The following AGBL2 variants were observed in gnomAD, a reference collection of about 807,000 sequenced individuals.
AGBL2 encodes the protein AGBL carboxypeptidase 2.
In AGBL2, 87 loss-of-function variants were observed where a neutral mutation model predicts 103.0. That is an observed-to-expected ratio of 0.84 (90% CI 0.71 to 1.01). AGBL2 has a LOEUF of 1.01. Among genes scored for constraint, AGBL2 ranks in the 50% least tolerant of loss-of-function variants. The probability of loss-of-function intolerance (pLI) is 0.00; values close to 1 mark genes in which losing one functional copy is unlikely to be tolerated. For synonymous variants in AGBL2, 335 were observed against 356.7 expected (o/e 0.94, Z 0.69); for missense variants, 904 against 1,023.5 (o/e 0.88, Z 1.59).
chr11:47,675,671 G>C (rs2153803248), intron 14 of AGBL2, among the ~76,000 whole-genome samples: 1 of 152,096 alleles, frequency 6.6e-6, no homozygotes, highest in South Asian at 2.1e-4. Context: ...TTACAGGTGT[G>C]AGCCACTTCA....
chr11:47,670,951 C>A (rs192673798), intron 14 of AGBL2, among the ~76,000 whole-genome samples: 2 of 151,166 alleles, frequency 1.3e-5, no homozygotes, highest in Admixed American at 6.6e-5. Flanking sequence ...GCTGTGATTG[C>A]GCCACTGACT....
intron 13 of AGBL2, among the ~76,000 whole-genome samples, chr11:47,678,026 T>C (rs1291426769): frequency 6.6e-6 from 1 of 151,190 alleles, no homozygotes; most frequent in Non-Finnish European, 1.5e-5. Context: ...TACAGTGGCG[T>C]GATCTTGGCT....
chr11:47,690,900 T>G, intron 9 of AGBL2, 42 bp from the exon 10 acceptor site: 1 of 1,505,416 alleles, frequency 6.6e-7, no homozygotes, highest in East Asian at 2.3e-5. Context: ...GCTTACACCC[T>G]GCCTTAAAAA....
intron 10 of AGBL2, among the ~76,000 whole-genome samples, chr11:47,689,008 T>C (rs951662294): frequency 6.6e-6 from 1 of 152,152 alleles, no homozygotes; most frequent in Non-Finnish European, 1.5e-5. Flanking sequence ...AGTGCTGGGA[T>C]TACAGGTGTC....
chr11:47,662,103 A>G (rs1168432638), intron 18 of AGBL2, among the ~76,000 whole-genome samples: 2 of 152,180 alleles, frequency 1.3e-5, no homozygotes, highest in Non-Finnish European at 2.9e-5. Context: ...GCAAATGAGC[A>G]TGATGAATGT....
chr11:47,693,552 G>A (rs556200716), intron 8 of AGBL2, among the ~76,000 whole-genome samples: 17 of 152,046 alleles, frequency 1.1e-4, no homozygotes, highest in Non-Finnish European at 2.4e-4. Flanking sequence ...TTTATTTTTG[G>A]ACTCTCAGTT....
At position 47,701,829 on chromosome 11, in the gene AGBL2, CAG is replaced by C. The variant is rs950279089; in HGVS notation, c.587-2278_587-2277del. On this transcript the variant is annotated intron_variant, in intron 7 of 18. Coordinates refer to ENST00000525123, the MANE Select transcript of AGBL2 (RefSeq NM_024783.4). ...CTCTACCAAAAATATAAAAAATGAG[CAG>C]AGTGTGGTGGCACGTGCCTGTAATC... is the stretch of plus-strand genomic sequence containing the variant. Among the ~76,000 whole-genome samples, 32 of 152,016 alleles carry C rather than the reference CAG, an allele frequency of 2.1e-4. 1 individual carries two copies. Among genetic ancestry groups the C allele is most frequent in the Non-Finnish European group, 1.0e-4 (7 of 67,978 alleles).
chr11:47,696,839 A>G (rs1454169986), intron 8 of AGBL2, among the ~76,000 whole-genome samples: 1 of 151,892 alleles, frequency 6.6e-6, no homozygotes, highest in Non-Finnish European at 1.5e-5. Flanking sequence ...ATGTGTTTCA[A>G]TTTTGTTGAT....
At chr11:47,666,068 T>C (rs1035457626) in intron 17 of AGBL2, among the ~76,000 whole-genome samples, 2 of 151,852 alleles carry the variant, frequency 1.3e-5, no homozygotes, top group Non-Finnish European at 2.9e-5. Flanking sequence ...TGAGCCACCA[T>C]GGCCGGACAG....
At chr11:47,672,169 T>G (rs553046848) in intron 14 of AGBL2, among the ~76,000 whole-genome samples, 2 of 152,284 alleles carry the variant, frequency 1.3e-5, no homozygotes, top group African/African-American at 4.8e-5. Context: ...CAAGCTGGTC[T>G]CCAACTCCTG....
intron 12 of AGBL2, among the ~76,000 whole-genome samples, chr11:47,681,671 G>A (rs910169403): frequency 2.6e-5 from 4 of 152,188 alleles, no homozygotes; most frequent in African/African-American, 4.8e-5. Context: ...TGTTGGTCAC[G>A]CTGGTCTTGA....
intron 3 of AGBL2, chr11:47,710,761 G>A (rs1047406179): frequency 3.8e-5 from 21 of 556,414 alleles, no homozygotes; most frequent in Non-Finnish European, 6.5e-5. Flanking sequence ...AGTGGAGTGA[G>A]AAAGGACTTG....
chr11:47,675,246 T>C (rs1403128996), intron 14 of AGBL2, among the ~76,000 whole-genome samples: 4 of 134,162 alleles, frequency 3.0e-5, no homozygotes, highest in South Asian at 5.2e-4. Context: ...TCTCACTCTA[T>C]AGCGCAGATT....
At chr11:47,699,255 T>C (rs1038032602) in intron 8 of AGBL2, among the ~76,000 whole-genome samples, 191 bp downstream of exon 8, 2 of 152,184 alleles carry the variant, frequency 1.3e-5, no homozygotes, top group African/African-American at 4.8e-5. Context: ...ATAATGTACT[T>C]TGATTTTAGA....
At position 47,686,011 on chromosome 11, in the gene AGBL2, A is replaced by C; in HGVS notation, c.1670T>G (p.Phe557Cys). 6.2e-7 allele frequency: 1 copy of C among 1,614,084 alleles called. No homozygotes were observed. The highest frequency in any genetic ancestry group is 8.5e-7 in the Non-Finnish European group (1 of 1,180,006). The change falls in exon 11 of 19, where the codon TTC (phenylalanine) becomes TGC (cysteine). Residue 557 changes from phenylalanine to cysteine, a missense_variant. Physicochemically the swap from Phe to Cys is radical, Grantham distance 205 (BLOSUM62 -2). Transcript: ENST00000525123. ...EEREVLLYCDFHGHSRKNNIF... is the reference protein window; with the variant it reads ...EEREVLLYCDCHGHSRKNNIF... Reference sequence around the variant, plus strand: ...ATTATTCTTACGACTGTGGCCATGGAAATCACAATACAACAGAACCTCTCT... The same window carrying C: ...ATTATTCTTACGACTGTGGCCATGGCAATCACAATACAACAGAACCTCTCT...
intron 4 of AGBL2, among the ~76,000 whole-genome samples, chr11:47,708,924 C>G (rs1286729171): frequency 6.6e-6 from 1 of 152,012 alleles, no homozygotes; most frequent in Non-Finnish European, 1.5e-5. Context: ...GAGTTTGAGA[C>G]CAGCCTGGCT....
chr11:47,710,366 TTG>T lies in AGBL2; in HGVS notation c.232+9_232+10del. 1 of 1,613,960 alleles carries T rather than the reference TTG, an allele frequency of 6.2e-7. No homozygotes were observed. The highest frequency in any genetic ancestry group is 8.5e-7 in the Non-Finnish European group (1 of 1,179,862). ...AGGTTCTAGAGGTCACACATACTGA[TTG>T]TTACTCACATAGAAGCTTCTCCTTT... On this transcript the variant is annotated intron_variant, in intron 4 of 18. Coordinates refer to ENST00000525123, the MANE Select transcript of AGBL2 (RefSeq NM_024783.4).
At chr11:47,714,098 A>G in intron 3 of AGBL2, 186 bp downstream of exon 3, 1 of 583,668 alleles carries the variant, frequency 1.7e-6, no homozygotes, top group Non-Finnish European at 3.1e-6. Context: ...GATGCTGTCT[A>G]CTTGACAGAG....
intron 18 of AGBL2, among the ~76,000 whole-genome samples, chr11:47,662,595 C>A (rs1351120123): frequency 1.3e-5 from 2 of 150,804 alleles, no homozygotes; most frequent in African/African-American, 4.9e-5. Flanking sequence ...CGGGTTCAAG[C>A]GATTCTCCTG....
Sources: allele counts gnomAD v4.1 joint callset (sites outside exome capture counted in the v4.1 genomes callset), GRCh38; gene constraint gnomAD v4.1.1; transcripts MANE v1.5; gene names NCBI Gene and HGNC (gene_info 2026-07-23, HGNC 2026-07-21).